Variants in SERAC1 observed in about 807,000 individuals in gnomAD.
SERAC1 encodes serine active site containing 1.
In SERAC1, 36 loss-of-function variants were observed where a neutral mutation model predicts 85.7. The ratio of observed to expected loss-of-function variants is 0.42; its 90% CI spans 0.32 to 0.55. The LOEUF is 0.55. Ranked by LOEUF, SERAC1 falls within the 20% of genes least tolerant of loss-of-function variation. SERAC1 has a pLI of 0.11. For missense variants in SERAC1, 629 were observed against 796.2 expected (o/e 0.79, Z 2.53); for synonymous variants, 242 against 265.3 (o/e 0.91, Z 0.85).
chr6:158,143,616 T>G (rs1784984375), intron 7 of SERAC1, among the ~76,000 whole-genome samples: 1 of 152,072 alleles, frequency 6.6e-6, no homozygotes, highest in Non-Finnish European at 1.5e-5. Flanking sequence ...ATTGCACCCT[T>G]ACTAATTAAA....
intron 3 of SERAC1, among the ~76,000 whole-genome samples, chr6:158,150,850 A>T (rs1290529982): frequency 6.6e-6 from 1 of 152,238 alleles, no homozygotes; most frequent in African/African-American, 2.4e-5. Flanking sequence ...CTGAGTAGCC[A>T]TCGTAACACA....
At chr6:158,140,936 T>C (rs965508857) in intron 8 of SERAC1, among the ~76,000 whole-genome samples, 2 of 152,310 alleles carry the variant, frequency 1.3e-5, no homozygotes, top group South Asian at 2.1e-4. Context: ...AGTTTTTTTT[T>C]CCAATGAGAA....
Position 158,117,195 on chromosome 6 carries a change from T to C in SERAC1, c.1403+532A>G, listed in dbSNP as rs1190939747. 16 of 262,908 alleles carry C rather than the reference T, an allele frequency of 6.1e-5. No homozygotes were observed. The highest frequency in any genetic ancestry group is 1.4e-5 in the Non-Finnish European group (2 of 138,032). The allele number at this position is 262,908 out of a possible 1,614,324, so 16.3% of individuals were successfully genotyped here. A position where few individuals can be genotyped will look rare whatever the true frequency, so the allele number is the denominator to read the frequency against. On this transcript the variant is annotated intron_variant, in intron 13 of 16. Transcript: ENST00000647468. This position sits in a 1 kb window ranked among gnomAD's most constrained non-coding sequence, Gnocchi z 4.3. ...CACTGATTTAGACCAACTCTGTCAATCTGTAGACAAAGCTTCCCGGAAAAG... is the reference window on the plus strand; with the variant it reads ...CACTGATTTAGACCAACTCTGTCAACCTGTAGACAAAGCTTCCCGGAAAAG...
rs771912083 is a variant in SERAC1, at chr6:158,158,323, A to C, written c.41T>G (p.Ile14Arg). 24 of 1,613,786 alleles carry C rather than the reference A, an allele frequency of 1.5e-5. No individual in the cohort carries two copies. The highest frequency in any genetic ancestry group is 1.9e-5 in the Non-Finnish European group (23 of 1,179,840). Residue 14 changes from isoleucine (I) to arginine (R), a missense_variant, in exon 2 of 17, where the codon ATA becomes AGA. Transcript: ENST00000647468. ...TTTTGGTGGGGAAGTAGAGGTTCCTATTCTTCTGCAACAGATGACGCAATA... is the reference window on the plus strand; with the variant it reads ...TTTTGGTGGGGAAGTAGAGGTTCCTCTTCTTCTGCAACAGATGACGCAATA... ...AAYCVICCRR[I>R]GTSTSPPKSG...
At position 158,111,462 on chromosome 6, in the gene SERAC1, A is replaced by G; in HGVS notation, c.1869T>C (p.His623=). ...IGDLIPVDVN[H]LNICKPKKKD... ...TTTTCTTTGGCTTACAAATGTTCAA[A>G]TGGTTAACATCCACAGGAATTAGAT... The change falls in exon 17 of 17, where the codon CAT becomes CAC. Residue 623 remains histidine, a synonymous_variant. Coordinates refer to ENST00000647468, the MANE Select transcript of SERAC1 (RefSeq NM_032861.4). 1 of 1,610,614 alleles carries G rather than the reference A, an allele frequency of 6.2e-7. No homozygotes were observed. The highest frequency in any genetic ancestry group is 8.5e-7 in the Non-Finnish European group (1 of 1,178,644).
intron 9 of SERAC1, among the ~76,000 whole-genome samples, chr6:158,128,644 A>C (rs1784601229): frequency 6.6e-6 from 1 of 152,124 alleles, no homozygotes; most frequent in South Asian, 2.1e-4. Context: ...TCTGCCACCT[A>C]TTCTCAGGAA....
intron 2 of SERAC1, among the ~76,000 whole-genome samples, chr6:158,156,314 G>A (rs1785331721): frequency 6.6e-6 from 1 of 152,028 alleles, no homozygotes; most frequent in Non-Finnish European, 1.5e-5. Context: ...TACACAACCT[G>A]ATTACCACCC....
At chr6:158,158,559 T>C in intron 1 of SERAC1, 195 bp from the exon 2 acceptor site, 1 of 473,252 alleles carries the variant, frequency 2.1e-6, no homozygotes, top group Non-Finnish European at 3.8e-6. Flanking sequence ...AATAATATTT[T>C]GTTAGAATTT....
At chr6:158,158,784 A>G (rs1177625176) in intron 1 of SERAC1, 6 of 155,050 alleles carry the variant, frequency 3.9e-5, no homozygotes, top group Non-Finnish European at 8.6e-5. Context: ...TGAAGTCCCC[A>G]CAGAAATGAG....
intron 3 of SERAC1, among the ~76,000 whole-genome samples, chr6:158,154,159 CAA>C (rs3041474): frequency 3.0e-5 from 2 of 66,054 alleles, no homozygotes; most frequent in East Asian, 8.3e-4. Flanking sequence ...AACTCTGTCT[CAA>C]AAAAAAAAAA....
chr6:158,146,567 C>G (rs1785064471), intron 6 of SERAC1: 1 of 392,778 alleles, frequency 2.5e-6, no homozygotes, highest in South Asian at 2.4e-5. Context: ...CGCCACCATG[C>G]CTGGCTAATT....
chr6:158,143,552 C>T (rs1396729294), intron 7 of SERAC1, among the ~76,000 whole-genome samples: 1 of 152,070 alleles, frequency 6.6e-6, no homozygotes, highest in African/African-American at 2.4e-5. Context: ...AACTTTAACT[C>T]TCAATGTTCA....
At chr6:158,152,333 T>C (rs1209942342) in intron 3 of SERAC1, among the ~76,000 whole-genome samples, 1 of 152,106 alleles carries the variant, frequency 6.6e-6, no homozygotes, top group African/African-American at 2.4e-5. Context: ...CTGGCCAACA[T>C]GGCAAAACCA....
chr6:158,167,074 G>A (rs910301398), intron 1 of SERAC1, among the ~76,000 whole-genome samples: 3 of 151,992 alleles, frequency 2.0e-5, no homozygotes, highest in African/African-American at 7.3e-5. Flanking sequence ...AAAGATACTT[G>A]GGAAGAAGAA....
At chr6:158,145,111 G>A (rs1169194249) in intron 6 of SERAC1, among the ~76,000 whole-genome samples, 2 of 152,162 alleles carry the variant, frequency 1.3e-5, no homozygotes, top group South Asian at 2.1e-4. Context: ...AGGCGTGGTG[G>A]CAGGCACCTG....
chr6:158,124,281 T>C (rs569435701), intron 10 of SERAC1, among the ~76,000 whole-genome samples: 1 of 152,062 alleles, frequency 6.6e-6, no homozygotes, highest in African/African-American at 2.4e-5. Flanking sequence ...AGGAAAAAAT[T>C]TAAACATAAT....
intron 1 of SERAC1, chr6:158,160,809 C>T (rs573023314): frequency 1.3e-3 from 201 of 151,838 alleles, no homozygotes; most frequent in African/African-American, 4.7e-3. Flanking sequence ...GCTTTAAATA[C>T]GATCCTCTCC....
chr6:158,118,564 G>A (rs1442397188), intron 12 of SERAC1, among the ~76,000 whole-genome samples: 2 of 145,818 alleles, frequency 1.4e-5, no homozygotes, highest in African/African-American at 5.2e-5. Context: ...ACTGCAGTGC[G>A]CTAGGATCGC....
chr6:158,151,813 T>C (rs753883496), intron 3 of SERAC1, among the ~76,000 whole-genome samples: 8 of 152,118 alleles, frequency 5.3e-5, no homozygotes, highest in Admixed American at 1.3e-4. Flanking sequence ...CGTGTTTGTG[T>C]TTTAAGCTAA....
Sources: gnomAD v4.1 joint callset for allele counts (sites outside exome capture counted in the v4.1 genomes callset) on GRCh38, gnomAD v4.1.1 for gene constraint, Gnocchi (gnomAD v3.1) non-coding constraint, MANE v1.5 for transcripts, NCBI Gene and HGNC (gene_info 2026-07-23, HGNC 2026-07-21) for gene names.